Variants in NKAIN2 observed in about 807,000 individuals in gnomAD.
The protein encoded by NKAIN2 is sodium/potassium-transporting ATPase subunit beta-1-interacting protein 2.
A neutral mutation model predicts 32.6 loss-of-function variants in NKAIN2; 14 were observed. The observed-to-expected ratio is 0.43, with a 90% CI of 0.28 to 0.67. NKAIN2 has a LOEUF of 0.67. NKAIN2 is among the 30% of genes least tolerant of loss of function. NKAIN2 has a pLI of 0.17. For synonymous variants in NKAIN2, 80 were observed against 87.2 expected (o/e 0.92, Z 0.46); for missense variants, 198 against 258.3 (o/e 0.77, Z 1.60).
chr6:124,805,884 T>C (rs1021627289), intron 5 of NKAIN2, among the ~76,000 whole-genome samples: 7 of 152,070 alleles, frequency 4.6e-5, no homozygotes, highest in African/African-American at 1.7e-4. Context: ...GAAGAAAGGG[T>C]ATCAGCGATG....
At chr6:123,998,241 T>C (rs966884899) in intron 1 of NKAIN2, among the ~76,000 whole-genome samples, 1 of 152,200 alleles carries the variant, frequency 6.6e-6, no homozygotes, top group African/African-American at 2.4e-5. Flanking sequence ...ATATATTCTT[T>C]TTTTACTTAG....
chr6:123,817,380 G>C (rs1773737738), intron 1 of NKAIN2, among the ~76,000 whole-genome samples: 1 of 152,132 alleles, frequency 6.6e-6, no homozygotes, highest in Admixed American at 6.5e-5. Flanking sequence ...GATTTTGTCA[G>C]ATTGCAAAAT....
intron 1 of NKAIN2, among the ~76,000 whole-genome samples, chr6:123,914,837 C>T (rs931044390): frequency 1.3e-5 from 2 of 152,096 alleles, no homozygotes; most frequent in Non-Finnish European, 2.9e-5. Context: ...AGTTACAAAG[C>T]CTGTGGAATT....
chr6:124,254,015 C>A (rs1793808826), intron 1 of NKAIN2, among the ~76,000 whole-genome samples: 1 of 151,898 alleles, frequency 6.6e-6, no homozygotes, highest in Non-Finnish European at 1.5e-5. Flanking sequence ...CGGGGTTTCA[C>A]AATGTTGGCC....
In NKAIN2 at chr6:124,808,230, C is replaced by A. The variant is rs555885164; in HGVS notation, c.536-10157C>A. Among the ~76,000 whole-genome samples the A allele has an allele frequency of 3.3e-3, 502 of 151,478 alleles. 1 individual carries two copies. Among genetic ancestry groups the A allele is most frequent in the Non-Finnish European group, 5.3e-3 (356 of 67,796 alleles). On this transcript the variant is annotated intron_variant, in intron 5 of 6. Coordinates refer to ENST00000368417, the MANE Select transcript of NKAIN2 (RefSeq NM_001040214.3). ...CCTTGATGAACATTGATGCAAAAAT[C>A]CTCAATAAAATACTGGCAAACTGAA...
At chr6:123,918,570 A>G (rs1204920940) in intron 1 of NKAIN2, among the ~76,000 whole-genome samples, 1 of 152,152 alleles carries the variant, frequency 6.6e-6, no homozygotes, top group East Asian at 1.9e-4. Flanking sequence ...AGTCCATGGC[A>G]CCCAGGTATT....
chr6:124,297,693 G>A (rs73773723), intron 2 of NKAIN2, among the ~76,000 whole-genome samples: 6,739 of 141,596 alleles, frequency 0.048, 536 homozygotes, highest in African/African-American at 0.2. Context: ...GAACTGAGCT[G>A]TTTCCGAGTC....
At chr6:124,188,915 G>T (rs1789879957) in intron 1 of NKAIN2, among the ~76,000 whole-genome samples, 1 of 152,064 alleles carries the variant, frequency 6.6e-6, no homozygotes, top group Non-Finnish European at 1.5e-5. Context: ...TCCCATAACA[G>T]CTTGATTAGG....
At chr6:124,267,622 G>T (rs147374733) in intron 1 of NKAIN2, among the ~76,000 whole-genome samples, 339 of 152,136 alleles carry the variant, frequency 2.2e-3, no homozygotes, top group African/African-American at 7.8e-3. Context: ...TTTAAGAAAT[G>T]TGTTGCTTAT....
chr6:124,152,678 C>T (rs1008168211), intron 1 of NKAIN2, among the ~76,000 whole-genome samples: 7 of 151,832 alleles, frequency 4.6e-5, no homozygotes, highest in South Asian at 2.1e-4. Context: ...TCCACAAGAA[C>T]GAAAATCAAT....
At chr6:124,379,163 G>A (rs1411180171) in intron 3 of NKAIN2, among the ~76,000 whole-genome samples, 1 of 42,842 alleles carries the variant, frequency 2.3e-5, no homozygotes, top group African/African-American at 8.8e-5. Flanking sequence ...GGGAGGGGAG[G>A]GGAGGGAGGG....
intron 5 of NKAIN2, among the ~76,000 whole-genome samples, chr6:124,808,178 C>A (rs1356781170): frequency 6.6e-6 from 1 of 151,692 alleles, no homozygotes; most frequent in South Asian, 2.1e-4. Context: ...AGAGACACAA[C>A]CAAAAAAGAG....
intron 1 of NKAIN2, among the ~76,000 whole-genome samples, chr6:123,835,574 T>C (rs1774582539): frequency 6.6e-6 from 1 of 152,206 alleles, no homozygotes; most frequent in South Asian, 2.1e-4. Flanking sequence ...TCTTCAATTT[T>C]GGAAGAGACT....
chr6:124,090,708 A>G (rs888160949), intron 1 of NKAIN2, among the ~76,000 whole-genome samples: 2 of 152,062 alleles, frequency 1.3e-5, no homozygotes, highest in Non-Finnish European at 1.5e-5. Flanking sequence ...CAAGATAAAG[A>G]TACAGCCCAT....
At chr6:123,882,994 T>A (rs1333750114) in intron 1 of NKAIN2, among the ~76,000 whole-genome samples, 1 of 152,148 alleles carries the variant, frequency 6.6e-6, no homozygotes, top group African/African-American at 2.4e-5. Context: ...CGTACATGTG[T>A]GTGTTTGTAT....
chr6:124,605,932 G>A (rs1782481073), intron 3 of NKAIN2, among the ~76,000 whole-genome samples: 1 of 151,976 alleles, frequency 6.6e-6, no homozygotes, highest in Non-Finnish European at 1.5e-5. Flanking sequence ...AAGGCCACCT[G>A]TGCCTCCAAT....
At chr6:124,291,432 G>T (rs2689869) in intron 2 of NKAIN2, among the ~76,000 whole-genome samples, 37,218 of 151,822 alleles carry the variant, frequency 0.25, 5,790 homozygotes, top group African/African-American at 0.45. Context: ...AATTTTGAAT[G>T]AAAAGAGTAG....
Position 124,679,083 on chromosome 6 carries a change from G to A in NKAIN2, c.474+20697G>A, listed in dbSNP as rs577586768. Among the ~76,000 whole-genome samples the A allele has an allele frequency of 1.7e-4, 26 of 152,126 alleles. No individual in the cohort carries two copies. In the South Asian group the frequency reaches 5.0e-3, roughly 29 times the overall value. ...TCTCTGTGGTCCACAGGCTTCTCGA[G>A]TATACTAGGTCTCATTAGGACTCCA... On this transcript the variant is annotated intron_variant, in intron 4 of 6. Coordinates refer to ENST00000368417, the MANE Select transcript of NKAIN2 (RefSeq NM_001040214.3).
chr6:124,723,113 A>G (rs1776104190), intron 4 of NKAIN2, among the ~76,000 whole-genome samples: 1 of 152,242 alleles, frequency 6.6e-6, no homozygotes, highest in African/African-American at 2.4e-5. Context: ...CCTCAAGATA[A>G]GAAAGAAAAT....
Sources: allele counts gnomAD v4.1 joint callset (sites outside exome capture counted in the v4.1 genomes callset), GRCh38; gene constraint gnomAD v4.1.1; transcripts MANE v1.5; gene names NCBI Gene and HGNC (gene_info 2026-07-23, HGNC 2026-07-21).